CDH9: variants seen among roughly 807,000 people sequenced by gnomAD.
The protein encoded by CDH9 is cadherin-9.
A neutral mutation model predicts 70.9 loss-of-function variants in CDH9; 28 were observed. The ratio of observed to expected loss-of-function variants is 0.40; its 90% CI spans 0.29 to 0.54. The LOEUF is 0.54. CDH9 is among the 20% of genes least tolerant of loss of function. The pLI is 0.59. For missense variants in CDH9, 874 were observed against 984.4 expected (o/e 0.89, Z 1.50); for synonymous variants, 409 against 343.1 (o/e 1.19, Z -2.12).
intron 1 of CDH9, among the ~76,000 whole-genome samples, chr5:27,006,932 A>C (rs566588420): frequency 6.6e-6 from 1 of 152,216 alleles, no homozygotes; most frequent in Non-Finnish European, 1.5e-5. Flanking sequence ...TACATACATA[A>C]CCAGAGAGTT....
chr5:26,956,014 G>C (rs761888293), intron 2 of CDH9, among the ~76,000 whole-genome samples: 9 of 152,140 alleles, frequency 5.9e-5, no homozygotes, highest in Non-Finnish European at 1.3e-4. Context: ...ACAGTATTAA[G>C]ACAGGAGAAC....
At chr5:26,951,295 A>C in intron 2 of CDH9, among the ~76,000 whole-genome samples, 1 of 143,938 alleles carries the variant, frequency 6.9e-6, no homozygotes. Flanking sequence ...CTGTCTCAAA[A>C]AAAAAAAAAA....
At chr5:26,972,865 AT>A (rs5866814) in intron 2 of CDH9, among the ~76,000 whole-genome samples, 62,994 of 143,228 alleles carry the variant, frequency 0.44, 13,844 homozygotes, top group Non-Finnish European at 0.51. Flanking sequence ...GTAAACTCAG[AT>A]TTTTTTTTTT....
chr5:26,924,743 C>A (rs1263551333), intron 2 of CDH9, among the ~76,000 whole-genome samples: 1 of 151,964 alleles, frequency 6.6e-6, no homozygotes, highest in Non-Finnish European at 1.5e-5. Flanking sequence ...TGATGTTCCC[C>A]ACCCTGTGTC....
chr5:26,972,553 A>T (rs1742237585), intron 2 of CDH9, among the ~76,000 whole-genome samples: 1 of 152,134 alleles, frequency 6.6e-6, no homozygotes, highest in South Asian at 2.1e-4. Context: ...TCCCTATATA[A>T]GGATTTCTCT....
chr5:26,971,723 A>G (rs11743090), intron 2 of CDH9, among the ~76,000 whole-genome samples: 47,830 of 151,948 alleles, frequency 0.31, 9,433 homozygotes, highest in Non-Finnish European at 0.44. Context: ...TAAGGGGGTT[A>G]GGTAGTTTTT....
chr5:26,917,790 GC>G (rs1741174021), intron 2 of CDH9, among the ~76,000 whole-genome samples: 2 of 151,826 alleles, frequency 1.3e-5, no homozygotes, highest in South Asian at 4.1e-4. Context: ...TCTACTCCAA[GC>G]AATTTTTCAT....
At chr5:27,030,737 AAC>A (rs1743297300) in intron 1 of CDH9, among the ~76,000 whole-genome samples, 1 of 151,910 alleles carries the variant, frequency 6.6e-6, no homozygotes, top group African/African-American at 2.4e-5. Context: ...ATTAAAGCAT[AAC>A]AAAAAAATAC....
intron 1 of CDH9, among the ~76,000 whole-genome samples, chr5:27,002,496 A>G (rs1742788266): frequency 1.3e-5 from 2 of 152,206 alleles, no homozygotes; most frequent in South Asian, 2.1e-4. Context: ...CACTATTCAC[A>G]ATAGCAAAGA....
At chr5:26,896,884 G>GT (rs1011247320) in intron 7 of CDH9, among the ~76,000 whole-genome samples, 8 of 151,864 alleles carry the variant, frequency 5.3e-5, no homozygotes, top group African/African-American at 1.7e-4. Context: ...TTCAGGAGTA[G>GT]TTTTTTTGAA....
rs142153697 is a variant in CDH9, at chr5:26,887,623, A to G, written c.1513-1540T>C. Among the ~76,000 whole-genome samples, 762 of 152,194 alleles carry G rather than the reference A, an allele frequency of 5.0e-3. 8 individuals are homozygous for G. Among genetic ancestry groups the G allele is most frequent in the South Asian group, 0.033 (157 of 4,830 alleles). On this transcript the variant is annotated intron_variant, in intron 9 of 11. Transcript: ENST00000231021. ...TGTAGGTTGACTTGTGTTCCCCCAA[A>G]ATATCTGTTCAAGTCTTAAATCCCA...
At chr5:27,003,564 T>C (rs1742807494) in intron 1 of CDH9, among the ~76,000 whole-genome samples, 1 of 152,198 alleles carries the variant, frequency 6.6e-6, no homozygotes, top group Non-Finnish European at 1.5e-5. Context: ...ATGATCTCCA[T>C]GGTCCTTCAC....
At chr5:26,938,090 G>A (rs1416683844) in intron 2 of CDH9, among the ~76,000 whole-genome samples, 2 of 151,670 alleles carry the variant, frequency 1.3e-5, no homozygotes, top group Non-Finnish European at 2.9e-5. Flanking sequence ...TGTAGAGGGA[G>A]GATATAGAAA....
intron 1 of CDH9, among the ~76,000 whole-genome samples, chr5:27,035,674 A>ATGTGTG (rs201793026): frequency 7.1e-5 from 8 of 112,090 alleles, no homozygotes; most frequent in African/African-American, 2.8e-4. Flanking sequence ...ATTGCTATTG[A>ATGTGTG]CGTGTGTGTG....
intron 2 of CDH9, among the ~76,000 whole-genome samples, chr5:26,979,642 C>T (rs924087769): frequency 2.0e-5 from 3 of 151,586 alleles, no homozygotes; most frequent in Non-Finnish European, 4.4e-5. Context: ...GACAATAAAT[C>T]CTTACAGCTG....
intron 1 of CDH9, among the ~76,000 whole-genome samples, chr5:27,024,417 A>G (rs934371827): frequency 1.3e-5 from 2 of 152,114 alleles, no homozygotes; most frequent in African/African-American, 4.8e-5. Context: ...CAGTCAGGAC[A>G]AAACATCTTT....
chr5:27,027,020 A>T (rs186708637), intron 1 of CDH9, among the ~76,000 whole-genome samples: 1,672 of 152,100 alleles, frequency 0.011, 21 homozygotes, highest in Non-Finnish European at 0.016. Context: ...TAAATAGATT[A>T]AAAAACCAAA....
At chr5:26,968,364 C>A (rs1021399212) in intron 2 of CDH9, among the ~76,000 whole-genome samples, 1 of 152,006 alleles carries the variant, frequency 6.6e-6, no homozygotes, top group Admixed American at 6.6e-5. Context: ...CGGCTCACTG[C>A]AACCTCCACA....
chr5:26,882,527 T>C (rs1258203647), intron 11 of CDH9, among the ~76,000 whole-genome samples: 2 of 152,030 alleles, frequency 1.3e-5, no homozygotes, highest in Non-Finnish European at 2.9e-5. Context: ...TTCTAATAAA[T>C]GCATGTTGCA....
Sources: allele counts gnomAD v4.1 joint callset (sites outside exome capture counted in the v4.1 genomes callset), GRCh38; gene constraint gnomAD v4.1.1; transcripts MANE v1.5; gene names NCBI Gene and HGNC (gene_info 2026-07-23, HGNC 2026-07-21).